Variants in HAUS3 observed in about 807,000 individuals in gnomAD.
The protein encoded by HAUS3 is HAUS augmin like complex subunit 3.
Under a neutral mutation model 55.2 loss-of-function variants are expected in HAUS3, and 36 were observed. The observed-to-expected ratio is 0.65, with a 90% CI of 0.50 to 0.86. HAUS3 has a LOEUF of 0.86. Ranked by LOEUF, HAUS3 falls within the 40% of genes least tolerant of loss-of-function variation. The pLI is 0.00. For missense variants in HAUS3, 752 were observed against 671.5 expected (o/e 1.12, Z -1.33); for synonymous variants, 234 against 238.6 (o/e 0.98, Z 0.18).
At chr4:2,232,548 C>T (rs1734620031) in intron 5 of HAUS3, among the ~76,000 whole-genome samples, 1 of 152,182 alleles carries the variant, frequency 6.6e-6, no homozygotes, top group Non-Finnish European at 1.5e-5. Flanking sequence ...TTGTTTTAGC[C>T]TATTCTCTGT....
At position 2,241,626 on chromosome 4, in the gene HAUS3, G is replaced by A. The variant is rs556820976; in HGVS notation, c.-254C>T. 5 of 985,352 alleles carry A rather than the reference G, an allele frequency of 5.1e-6. No individual in the cohort carries two copies. Among genetic ancestry groups the A allele is most frequent in the East Asian group, 1.1e-4 (1 of 8,810 alleles). 61.0% of individuals were successfully genotyped at this position (985,352 alleles called of 1,614,324 possible). On this transcript the variant is annotated 5_prime_UTR_variant, in exon 2 of 6. Transcript: ENST00000443786. ...GCGGCCACAATTAAGGGTGCTTCGG[G>A]CCGGCCTTCAGCCAGCGCTGAGGCA...
chr4:2,241,295 C>G (rs2108782161), intron 2 of HAUS3, among the ~76,000 whole-genome samples: 1 of 152,298 alleles, frequency 6.6e-6, no homozygotes, highest in Non-Finnish European at 1.5e-5. Context: ...AAGTAATTAA[C>G]AAGAAAGTGG....
rs1015365928 is a variant in HAUS3, at chr4:2,240,314, T to C, written c.633A>G (p.Thr211=). The C allele has an allele frequency of 2.5e-6, 4 of 1,607,886 alleles. No homozygotes were observed. Among genetic ancestry groups the C allele is most frequent in the Non-Finnish European group, 3.4e-6 (4 of 1,176,222 alleles). ...TTTTGGTATACAAAGTTAATGCTGC[T>C]GTGCTTTGCTCTTCCTGACTTAGGT... ...EKYLSQEEQS[T]AALTLYTKKQ... Residue 211 remains threonine (T), a synonymous_variant, in exon 3 of 6, where the codon ACA becomes ACG. Transcript: ENST00000443786.
In HAUS3 at chr4:2,240,219, A is replaced by G. The variant is rs750515994; in HGVS notation, c.728T>C (p.Ile243Thr). 1.9e-6 allele frequency: 3 copies of G among 1,613,736 alleles called. No homozygotes were observed. Among genetic ancestry groups the G allele is most frequent in the Non-Finnish European group, 2.5e-6 (3 of 1,179,844 alleles). Residue 243 changes from isoleucine (I) to threonine (T), a missense_variant, in exon 3 of 6, where the codon ATA becomes ACA. Transcript: ENST00000443786. The stretch of plus-strand genomic sequence containing the variant: ...ATTATCACAAATAGATGGTGTCTGT[A>G]TATCTAAAAGTTGAAAATTGTCTTC... ...SNEDNFQLLD[I>T]QTPSICDNQE... is the part of the protein sequence containing the mutation.
rs1488167220 is a variant in HAUS3, at chr4:2,228,408, A to G, written c.*3519T>C. 7.8e-6 allele frequency: 2 copies of G among 256,550 alleles called. No homozygotes were observed. Among genetic ancestry groups the G allele is most frequent in the African/African-American group, 2.6e-5 (1 of 38,250 alleles). The allele number at this position is 256,550 out of a possible 1,614,324, so 15.9% of individuals were successfully genotyped here. On this transcript the variant is annotated 3_prime_UTR_variant, in exon 6 of 6. Coordinates refer to ENST00000443786, the MANE Select transcript of HAUS3 (RefSeq NM_001303143.2). ...CTCTGTCGCCCACGCTGGAGACCTC[A>G]GCTCACTGCAAGCCCCGCCTCCTGG...
rs754468481 is a variant in HAUS3, at chr4:2,238,640, C to T, written c.1313G>A (p.Arg438Lys). Residue 438 changes from arginine (R) to lysine (K), a missense_variant, in exon 4 of 6, where the codon AGG becomes AAG. Physicochemically the swap from Arg to Lys is conservative, Grantham distance 26 (BLOSUM62 2). Coordinates refer to ENST00000443786, the MANE Select transcript of HAUS3 (RefSeq NM_001303143.2). ...DPSVSQQINP[R>K]NTIDTKDYST... ...ATAATCCTTAGTATCAATGGTATTCCTTGGATTTATCTGTTGAGAAACTGA... is the reference window on the plus strand; with the variant it reads ...ATAATCCTTAGTATCAATGGTATTCTTTGGATTTATCTGTTGAGAAACTGA... 10 of 1,609,242 alleles carry T rather than the reference C, an allele frequency of 6.2e-6. No homozygotes were observed. Among genetic ancestry groups the T allele is most frequent in the Middle Eastern group, 1.7e-4 (1 of 5,922 alleles).
chr4:2,240,637 C>T lies in HAUS3; in HGVS notation c.310G>A (p.Asp104Asn). ...AATTTCAGTAGAGTTTGAACCTCAT[C>T]CTCTAATTTCTCCAGCTCTTTATCA... ...LDDKELEKLE[D>N]EVQTLLKLKN... is the part of the protein sequence containing the mutation. Residue 104 changes from aspartate to asparagine, a missense_variant, in exon 3 of 6, where the codon GAT (aspartate) becomes AAT (asparagine). Physicochemically the swap from Asp to Asn is conservative, Grantham distance 23. Transcript: ENST00000443786. The T allele has an allele frequency of 6.2e-7, 1 of 1,613,694 alleles. No homozygotes were observed. Among genetic ancestry groups the T allele is most frequent in the Non-Finnish European group, 8.5e-7 (1 of 1,179,924 alleles).
intron 5 of HAUS3, among the ~76,000 whole-genome samples, chr4:2,232,476 C>T (rs1734618672): frequency 6.6e-6 from 1 of 152,152 alleles, no homozygotes; most frequent in African/African-American, 2.4e-5. Context: ...TTAGAGATTA[C>T]TGATACAAGA....
At position 2,229,445 on chromosome 4, in the gene HAUS3, C is replaced by G; in HGVS notation, c.*2482G>C. On this transcript the variant is annotated 3_prime_UTR_variant, in exon 6 of 6. Transcript: ENST00000443786. ...ATAGCTAGAGGCTTAATCCAGGTATCATAGTAAATAGATAACTTATTTTCT... is the reference window on the plus strand; with the variant it reads ...ATAGCTAGAGGCTTAATCCAGGTATGATAGTAAATAGATAACTTATTTTCT... 1 of 404,264 alleles carries G rather than the reference C, an allele frequency of 2.5e-6. No homozygotes were observed. The allele number at this position is 404,264 out of a possible 1,614,324, so 25.0% of individuals were successfully genotyped here.
chr4:2,233,827 G>A (rs762644479), intron 5 of HAUS3, among the ~76,000 whole-genome samples: 2 of 152,098 alleles, frequency 1.3e-5, no homozygotes, highest in Admixed American at 1.3e-4. Flanking sequence ...AAATGATGGC[G>A]TGCCATATGG....
chr4:2,242,109 C>G lies in HAUS3; in HGVS notation c.-477G>C. 2 of 985,896 alleles carry G rather than the reference C, an allele frequency of 2.0e-6. No homozygotes were observed. The highest frequency in any genetic ancestry group is 2.4e-6 in the Non-Finnish European group (2 of 830,264). 61.1% of individuals were successfully genotyped at this position (985,896 alleles called of 1,614,324 possible). On this transcript the variant is annotated 5_prime_UTR_variant, in exon 1 of 6. Coordinates refer to ENST00000443786, the MANE Select transcript of HAUS3 (RefSeq NM_001303143.2). ...CGCCGCCACCGCCCTCCGTGCCCCGCGCGCCTCGCACTGCCTCACGGGAGC... is the reference window on the plus strand; with the variant it reads ...CGCCGCCACCGCCCTCCGTGCCCCGGGCGCCTCGCACTGCCTCACGGGAGC...
Position 2,241,714 on chromosome 4 carries a change from C to G in HAUS3, c.-342G>C, listed in dbSNP as rs916579451. Reference sequence around the variant, plus strand: ...GGCAAGCCCCAGGGATCCGCGGCCCCAAGGCCGCGATACACCAGACGCGCC... The same window carrying G: ...GGCAAGCCCCAGGGATCCGCGGCCCGAAGGCCGCGATACACCAGACGCGCC... On this transcript the variant is annotated 5_prime_UTR_variant, in exon 2 of 6. Coordinates refer to ENST00000443786, the MANE Select transcript of HAUS3 (RefSeq NM_001303143.2). 6.1e-6 allele frequency: 6 copies of G among 985,378 alleles called. No homozygotes were observed. The highest frequency in any genetic ancestry group is 6.1e-5 in the Admixed American group (1 of 16,276). The allele number at this position is 985,378 out of a possible 1,614,324, so 61.0% of individuals were successfully genotyped here. A position where few individuals can be genotyped will look rare whatever the true frequency, so the allele number is the denominator to read the frequency against.
rs1335653821 is a variant in HAUS3, at chr4:2,229,890, T to A, written c.*2037A>T. The A allele has an allele frequency of 6.6e-6, 1 of 152,100 alleles. No homozygotes were observed. The highest frequency in any genetic ancestry group is 1.5e-5 in the Non-Finnish European group (1 of 68,018). The allele number at this position is 152,100 out of a possible 1,614,324, so 9.4% of individuals were successfully genotyped here. A position where few individuals can be genotyped will look rare whatever the true frequency, so the allele number is the denominator to read the frequency against. On this transcript the variant is annotated 3_prime_UTR_variant, in exon 6 of 6. Coordinates refer to ENST00000443786, the MANE Select transcript of HAUS3 (RefSeq NM_001303143.2). ...TAAACCTACCTAGTAACACAACGAT[T>A]ATAAGTAACTTGGGTAATTACGGCA...
At position 2,241,055 on chromosome 4, in the gene HAUS3, G is replaced by C. The variant is rs1270886618; in HGVS notation, c.-109C>G. ...CTACGTTTTATACCAAGTCCACAGA[G>C]AAGGGAAAATATATTTTTAGAATCT... On this transcript the variant is annotated 5_prime_UTR_variant, in exon 3 of 6. Coordinates refer to ENST00000443786, the MANE Select transcript of HAUS3 (RefSeq NM_001303143.2). 1 of 772,662 alleles carries C rather than the reference G, an allele frequency of 1.3e-6. No homozygotes were observed. Among genetic ancestry groups the C allele is most frequent in the Non-Finnish European group, 2.1e-6 (1 of 479,444 alleles). The allele number at this position is 772,662 out of a possible 1,614,324, so 47.9% of individuals were successfully genotyped here. A position where few individuals can be genotyped will look rare whatever the true frequency, so the allele number is the denominator to read the frequency against.
intron 5 of HAUS3, among the ~76,000 whole-genome samples, chr4:2,232,978 AC>A (rs368837936): frequency 1.3e-5 from 2 of 151,864 alleles, no homozygotes; most frequent in African/African-American, 4.8e-5. Context: ...AGATTCCTGT[AC>A]CCCCCCACTA....
At chr4:2,237,188 A>G (rs1560104886) in intron 4 of HAUS3, among the ~76,000 whole-genome samples, 1 of 152,118 alleles carries the variant, frequency 6.6e-6, no homozygotes, top group Non-Finnish European at 1.5e-5. Flanking sequence ...TCATGCCTGT[A>G]ATCCCAGTAT....
rs747062870 is a variant in HAUS3 at position 2,229,268 on chromosome 4, A to G, written c.*2659T>C. The G allele has an allele frequency of 7.2e-6, 11 of 1,530,444 alleles. No homozygotes were observed. The highest frequency in any genetic ancestry group is 9.8e-6 in the Non-Finnish European group (11 of 1,124,786). 94.8% of individuals were successfully genotyped at this position (1,530,444 alleles called of 1,614,324 possible). A position where few individuals can be genotyped will look rare whatever the true frequency, so the allele number is the denominator to read the frequency against. On this transcript the variant is annotated 3_prime_UTR_variant, in exon 6 of 6. Coordinates refer to ENST00000443786, the MANE Select transcript of HAUS3 (RefSeq NM_001303143.2). ...CCTAAATGTAAGATTAACATAAGAT[A>G]AATCCCATATATTAATCCTAAGACT...
rs1436284873 is a variant in HAUS3 at position 2,229,243 on chromosome 4, C to G, written c.*2684G>C. 1.3e-6 allele frequency: 2 copies of G among 1,584,332 alleles called. No homozygotes were observed. The highest frequency in any genetic ancestry group is 1.7e-6 in the Non-Finnish European group (2 of 1,164,038). ...TCATAATTTTCCATTTTCACAAAAT[C>G]CTAAATGTAAGATTAACATAAGATA... is the stretch of plus-strand genomic sequence containing the variant. On this transcript the variant is annotated 3_prime_UTR_variant, in exon 6 of 6. Transcript: ENST00000443786.
intron 5 of HAUS3, 91 bp downstream of exon 5, chr4:2,236,137 A>T: frequency 1.5e-6 from 1 of 688,774 alleles, no homozygotes; most frequent in East Asian, 2.7e-5. Context: ...AAATTGGGGT[A>T]ATATTTTCCT....
Sources: allele counts gnomAD v4.1 joint callset (sites outside exome capture counted in the v4.1 genomes callset), GRCh38; gene constraint gnomAD v4.1.1; transcripts MANE v1.5; gene names NCBI Gene and HGNC (gene_info 2026-07-23, HGNC 2026-07-21).